RIF1: variants seen among roughly 807,000 people sequenced by gnomAD.
The protein encoded by RIF1 is replication timing regulatory factor 1, also known as telomere-associated protein RIF1.
Under a neutral mutation model 247.1 loss-of-function variants are expected in RIF1, and 45 were observed. The observed-to-expected ratio is 0.18, with a 90% CI of 0.14 to 0.23. The LOEUF is 0.23. Ranked by LOEUF, RIF1 falls within the 10% of genes least tolerant of loss-of-function variation. The probability of loss-of-function intolerance (pLI) is 1.00; values close to 1 mark genes in which losing one functional copy is unlikely to be tolerated. For missense variants in RIF1, 2,967 were observed against 2,862.5 expected (o/e 1.04, Z -0.83); for synonymous variants, 1,087 against 978.8 (o/e 1.11, Z -2.06).
At chr2:151,508,450 A>T (rs916171076), downstream of RIF1, among the ~76,000 whole-genome samples, 10 of 152,234 alleles carry the variant, frequency 6.6e-5, no homozygotes, top group Admixed American at 5.2e-4. Flanking sequence ...CAGTGGCAGT[A>T]GTCCTCGCTG....
chr2:151,492,419 G>T (rs200165006), intron 9 of RIF1: 1 of 1,609,690 alleles, frequency 6.2e-7, no homozygotes, highest in Non-Finnish European at 8.5e-7. Flanking sequence ...TCCCTCACCC[G>T]TCTCATCTCG....
In RIF1 at chr2:151,410,525, C is replaced by A. The variant is rs563458825; in HGVS notation, c.102C>A (p.Thr34=). ...AGACTGACGCTTACCTGACTCTGAC[C>A]AGGTGAGGTCCGCCACGGGGCGTAG... ...GGQTDAYLTL[T]SRMTGEEGKE... The change falls in exon 2 of 36, where the codon ACC becomes ACA. Residue 34 remains threonine, a splice_region_variant and synonymous_variant. Transcript: ENST00000444746. The A allele has an allele frequency of 5.0e-6, 8 of 1,612,818 alleles. No homozygotes were observed. In the South Asian group the frequency reaches 8.8e-5, roughly 18 times the overall value.
chr2:151,416,871 T>C lies in RIF1; in HGVS notation c.473T>C (p.Val158Ala). The C allele has an allele frequency of 6.2e-7, 1 of 1,612,524 alleles. No individual in the cohort carries two copies. Among genetic ancestry groups the C allele is most frequent in the Non-Finnish European group, 8.5e-7 (1 of 1,178,896 alleles). ...AAAGGAGAGACGCATTCTGCTGTTG[T>C]TGATTTTGAAGCATTAAATGTTATC... ...FNKGETHSAV[V>A]DFEALNVIVR... The change falls in exon 6 of 36, where the codon GTT (valine) becomes GCT (alanine). Residue 158 changes from valine to alanine, a missense_variant. Val to Ala is a moderately conservative substitution (Grantham distance 64, BLOSUM62 0). Coordinates refer to ENST00000444746, the MANE Select transcript of RIF1 (RefSeq NM_018151.5).
intron 9 of RIF1, among the ~76,000 whole-genome samples, chr2:151,489,597 A>G (rs558580429): frequency 1.5e-4 from 23 of 152,186 alleles, no homozygotes; most frequent in African/African-American, 4.3e-4. Flanking sequence ...AAGTCTCACT[A>G]TGTTGCCTAG....
At chr2:151,433,795 C>A (rs1690628175) in intron 10 of RIF1, among the ~76,000 whole-genome samples, 1 of 152,060 alleles carries the variant, frequency 6.6e-6, no homozygotes, top group Admixed American at 6.6e-5. Context: ...AACATTCTTA[C>A]TCTACAAGCA....
At chr2:151,522,802 C>T in the RIF1 span, among the ~76,000 whole-genome samples, 1 of 152,152 alleles carries the variant, frequency 6.6e-6, no homozygotes, top group Admixed American at 6.5e-5. Flanking sequence ...GATGCAGCGC[C>T]GTGCCCTCTC....
intron 13 of RIF1, among the ~76,000 whole-genome samples, chr2:151,438,399 GC>G (rs913986475): frequency 6.6e-6 from 1 of 152,140 alleles, no homozygotes; most frequent in Non-Finnish European, 1.5e-5. Context: ...GACTGCTTGA[GC>G]CCAGGTTGTT....
chr2:151,428,190 C>T (rs892842080), intron 8 of RIF1, among the ~76,000 whole-genome samples: 13 of 152,210 alleles, frequency 8.5e-5, no homozygotes, highest in Non-Finnish European at 1.3e-4. Context: ...AATGGCACCA[C>T]TGCACTGTAG....
intron 12 of RIF1, chr2:151,505,832 A>G (rs2068424462): frequency 1.8e-6 from 1 of 547,162 alleles, no homozygotes; most frequent in Admixed American, 3.1e-5. Context: ...CCTTTCCTGT[A>G]TACTCCAATG....
chr2:151,412,288 TCTC>T (rs566892833), intron 3 of RIF1, among the ~76,000 whole-genome samples: 138 of 139,230 alleles, frequency 9.9e-4, no homozygotes, highest in Admixed American at 2.1e-3. Context: ...ATGACCTTGT[TCTC>T]TTTTTTTAAT....
rs765815257 is a variant in RIF1, at chr2:151,474,843, T to A, written c.7205-14T>A. ...TGGTATAGATTTAATTGTGGTTTTT[T>A]TTTTCTCTTTTAGATATAATTGATC... is the stretch of plus-strand genomic sequence containing the variant. On this transcript the variant is annotated splice_polypyrimidine_tract_variant and intron_variant, in intron 35 of 35. Coordinates refer to ENST00000444746, the MANE Select transcript of RIF1 (RefSeq NM_018151.5). The A allele has an allele frequency of 7.1e-7, 1 of 1,407,266 alleles. No homozygotes were observed. Among genetic ancestry groups the A allele is most frequent in the Non-Finnish European group, 9.9e-7 (1 of 1,007,442 alleles). The allele number at this position is 1,407,266 out of a possible 1,614,324, so 87.2% of individuals were successfully genotyped here.
intron 8 of RIF1, among the ~76,000 whole-genome samples, chr2:151,424,756 T>A (rs1388712220): frequency 6.7e-6 from 1 of 150,132 alleles, no homozygotes; most frequent in Admixed American, 6.7e-5. Flanking sequence ...GCAACCTCTG[T>A]CTCCCAGTCT....
rs1441777713 is a variant in RIF1, at chr2:151,464,405, A to G, written c.4885A>G (p.Ile1629Val). The G allele has an allele frequency of 6.8e-6, 11 of 1,612,984 alleles. No homozygotes were observed. The highest frequency in any genetic ancestry group is 4.0e-5 in the African/African-American group (3 of 74,930). The change falls in exon 30 of 36, where the codon ATA (isoleucine) becomes GTA (valine). Residue 1629 changes from isoleucine (I) to valine (V), a missense_variant. Physicochemically the swap from Ile to Val is conservative, Grantham distance 29. Transcript: ENST00000444746. ...AAAACAAGATGAAAGTAATACTGTA[A>G]TATGTCAGGATTCTACAGTAACTTC... ...CEKQDESNTV[I>V]CQDSTVTSDL...
chr2:151,526,169 G>A, the RIF1 span: 3 of 1,613,910 alleles, frequency 1.9e-6, no homozygotes, highest in East Asian at 2.2e-5. Context: ...TCAGACACCA[G>A]GTTGCTGACA....
At chr2:151,422,887 A>T in intron 7 of RIF1, 63 bp from the exon 8 acceptor site, 2 of 843,926 alleles carry the variant, frequency 2.4e-6, no homozygotes, top group Non-Finnish European at 3.9e-6. Context: ...TTATTCCTAG[A>T]CTTTGGTATT....
intron 20 of RIF1, among the ~76,000 whole-genome samples, chr2:151,448,552 T>C (rs1459181821): frequency 6.6e-6 from 1 of 152,228 alleles, no homozygotes; most frequent in East Asian, 1.9e-4. Flanking sequence ...TCAGATCTTG[T>C]CACTCTTGAA....
At chr2:151,410,890 G>C (rs988757939) in intron 2 of RIF1, among the ~76,000 whole-genome samples, 15 of 151,920 alleles carry the variant, frequency 9.9e-5, no homozygotes, top group African/African-American at 3.6e-4. Flanking sequence ...GCAATACACT[G>C]ATTTTTATTA....
intron 11 of RIF1, among the ~76,000 whole-genome samples, 187 bp downstream of exon 11, chr2:151,435,767 G>GT (rs76815709): frequency 1.9e-3 from 260 of 140,308 alleles, no homozygotes; most frequent in South Asian, 5.4e-3. Context: ...TCTGTTTTTT[G>GT]TTTTTTTTTT....
At chr2:151,422,450 A>G (rs1424502483) in intron 7 of RIF1, among the ~76,000 whole-genome samples, 1 of 150,874 alleles carries the variant, frequency 6.6e-6, no homozygotes, top group Non-Finnish European at 1.5e-5. Context: ...TACTGTAAAA[A>G]CTCACTCGGA....
Sources: allele counts gnomAD v4.1 joint callset (sites outside exome capture counted in the v4.1 genomes callset), GRCh38; gene constraint gnomAD v4.1.1; transcripts MANE v1.5; gene names NCBI Gene and HGNC (gene_info 2026-07-23, HGNC 2026-07-21).